Variants in KCNJ6 observed in about 807,000 individuals in gnomAD.
KCNJ6 encodes the protein G protein-activated inward rectifier potassium channel 2.
In KCNJ6, 9 loss-of-function variants were observed where a neutral mutation model predicts 34.2. The observed-to-expected ratio is 0.26, with a 90% CI of 0.16 to 0.46. The LOEUF (loss-of-function observed/expected upper bound fraction) is 0.46. Among genes scored for constraint, KCNJ6 ranks in the 20% least tolerant of loss-of-function variants. The probability of loss-of-function intolerance (pLI) is 1.00; values close to 1 mark genes in which losing one functional copy is unlikely to be tolerated. For missense variants in KCNJ6, 236 were observed against 531.3 expected, an observed-to-expected ratio of 0.44 and a Z score of 5.46; for synonymous variants, 196 against 207.1, an observed-to-expected ratio of 0.95 and a Z score of 0.46.
intron 1 of KCNJ6, among the ~76,000 whole-genome samples, chr21:37,882,652 C>G (rs548815315): frequency 6.6e-6 from 1 of 152,332 alleles, no homozygotes; most frequent in East Asian, 1.9e-4. Flanking sequence ...TGAGAATGGA[C>G]AAGCTCCAAC....
intron 3 of KCNJ6, among the ~76,000 whole-genome samples, chr21:37,662,392 T>C (rs115409277): frequency 9.2e-5 from 14 of 152,340 alleles, no homozygotes; most frequent in Admixed American, 9.2e-4. Flanking sequence ...CTAAGGATAA[T>C]GGCTTCCATT....
At chr21:37,648,620 T>G (rs2054416506) in intron 3 of KCNJ6, among the ~76,000 whole-genome samples, 1 of 152,162 alleles carries the variant, frequency 6.6e-6, no homozygotes, top group Non-Finnish European at 1.5e-5. Context: ...TGCCAATAGG[T>G]GCAAGTTTAA....
intron 1 of KCNJ6, among the ~76,000 whole-genome samples, chr21:37,891,633 G>C (rs1353889822): frequency 1.4e-5 from 2 of 143,778 alleles, no homozygotes; most frequent in Admixed American, 1.4e-4. Context: ...ACATTTCCAG[G>C]CTTTCTTAGA....
intron 1 of KCNJ6, among the ~76,000 whole-genome samples, chr21:37,910,047 T>C (rs1312633003): frequency 6.6e-6 from 1 of 152,204 alleles, no homozygotes; most frequent in Non-Finnish European, 1.5e-5. Context: ...GGAGTCTCCT[T>C]TTCCTCTGAT....
intron 1 of KCNJ6, among the ~76,000 whole-genome samples, chr21:37,876,317 G>GT (rs1668179781): frequency 6.6e-6 from 1 of 152,176 alleles, no homozygotes. Context: ...CAGGGGTTAA[G>GT]TAACTTGCCA....
chr21:37,641,693 G>T (rs1440119170), intron 3 of KCNJ6, among the ~76,000 whole-genome samples: 1 of 80,208 alleles, frequency 1.2e-5, no homozygotes, highest in Non-Finnish European at 2.4e-5. Context: ...AAGTAGACGA[G>T]TGTGTTTGGG....
chr21:37,863,177 C>T (rs929976697), intron 1 of KCNJ6, among the ~76,000 whole-genome samples: 1 of 152,164 alleles, frequency 6.6e-6, no homozygotes, highest in African/African-American at 2.4e-5. Flanking sequence ...ATTTTAGGCA[C>T]AGTAATTCCT....
Position 37,793,480 on chromosome 21 carries a change from G to C in KCNJ6, c.25+47178C>G, listed in dbSNP as rs115677041. Among the ~76,000 whole-genome samples, 1,219 of 143,462 alleles carry C rather than the reference G, an allele frequency of 8.5e-3. 18 individuals are homozygous for C. Among genetic ancestry groups the C allele is most frequent in the African/African-American group, 0.03 (1,157 of 38,550 alleles). 94.1% of individuals were successfully genotyped at this position (143,462 alleles called of 152,430 possible). A position where few individuals can be genotyped will look rare whatever the true frequency, so the allele number is the denominator to read the frequency against. The stretch of plus-strand genomic sequence containing the variant: ...ATCAAAAGGCGTGGTTAAAGAGTGA[G>C]AGCTATTGTGAACCAAGATAGCGCC... On this transcript the variant is annotated intron_variant, in intron 2 of 3. Transcript: ENST00000609713.
intron 3 of KCNJ6, among the ~76,000 whole-genome samples, chr21:37,665,892 T>G (rs540067340): frequency 6.6e-6 from 1 of 152,156 alleles, no homozygotes; most frequent in South Asian, 2.1e-4. Context: ...CAGGGAGTTG[T>G]CATAAGGCTT....
intron 2 of KCNJ6, among the ~76,000 whole-genome samples, chr21:37,803,848 C>A (rs894825049): frequency 5.3e-5 from 8 of 152,102 alleles, no homozygotes; most frequent in African/African-American, 1.9e-4. Flanking sequence ...GTGTCCTCAC[C>A]ATCTCACTCC....
intron 3 of KCNJ6, among the ~76,000 whole-genome samples, chr21:37,681,812 C>T (rs181003331): frequency 6.6e-6 from 1 of 152,200 alleles, no homozygotes; most frequent in African/African-American, 2.4e-5. Flanking sequence ...ACCCAAATCA[C>T]ATTTTCTAGA....
chr21:37,655,205 GT>G (rs1372004170), intron 3 of KCNJ6, among the ~76,000 whole-genome samples: 12 of 77,712 alleles, frequency 1.5e-4, no homozygotes, highest in Admixed American at 6.7e-4. Context: ...GTGTGTGTGT[GT>G]GTGTGTGTGT....
chr21:37,838,622 A>G (rs2055463774), intron 2 of KCNJ6, among the ~76,000 whole-genome samples: 1 of 152,226 alleles, frequency 6.6e-6, no homozygotes, highest in South Asian at 2.1e-4. Context: ...GAATTAGTTG[A>G]TAAGGCCCAC....
rs1353500383 is a variant in KCNJ6, at chr21:37,611,136, A to G, written c.*14023T>C. ...AAAGAACACAAATTACTACTATCAG[A>G]AATGAGAGCGGGGACGTTACTAGCA... On this transcript the variant is annotated 3_prime_UTR_variant, in exon 4 of 4. Transcript: ENST00000609713. 2 of 152,224 alleles carry G rather than the reference A, an allele frequency of 1.3e-5. No individual in the cohort carries two copies. Among genetic ancestry groups the G allele is most frequent in the African/African-American group, 4.8e-5 (2 of 41,452 alleles). 9.4% of individuals were successfully genotyped at this position (152,224 alleles called of 1,614,324 possible).
Position 37,607,484 on chromosome 21 carries a change from T to TATATATATATATATATA in KCNJ6, c.*17674_*17675insTATATATATATATATAT, listed in dbSNP as rs35281433. ...TAAAGATATATATATATATATATAT[T>TATATATATATATATATA]TTTTTTTTATTTTAAAAAAATTTGG... On this transcript the variant is annotated 3_prime_UTR_variant, in exon 4 of 4. Coordinates refer to ENST00000609713, the MANE Select transcript of KCNJ6 (RefSeq NM_002240.5). 185 of 62,148 alleles carry TATATATATATATATATA rather than the reference T, an allele frequency of 3.0e-3. No individual in the cohort carries two copies. Among genetic ancestry groups the TATATATATATATATATA allele is most frequent in the East Asian group, 0.013 (20 of 1,548 alleles). 3.8% of individuals were successfully genotyped at this position (62,148 alleles called of 1,614,324 possible).
In KCNJ6 at chr21:37,675,086, C is replaced by T. The variant is rs2054558674; in HGVS notation, c.946+39125G>A. Among the ~76,000 whole-genome samples, 1 of 152,154 alleles carries T rather than the reference C, an allele frequency of 6.6e-6. No homozygotes were observed. Among genetic ancestry groups the T allele is most frequent in the African/African-American group, 2.4e-5 (1 of 41,444 alleles). On this transcript the variant is annotated intron_variant, in intron 3 of 3. Coordinates refer to ENST00000609713, the MANE Select transcript of KCNJ6 (RefSeq NM_002240.5). This position sits in a 1 kb window ranked among gnomAD's most constrained non-coding sequence, Gnocchi z 4.2. ...GCTGCTCCGGGTTTGACTCAATCGA[C>T]ACCCTTCGCACCACTTTCTAAGTGT...
chr21:37,858,535 A>G (rs939685618), intron 1 of KCNJ6, among the ~76,000 whole-genome samples: 2 of 152,180 alleles, frequency 1.3e-5, no homozygotes, highest in African/African-American at 4.8e-5. Context: ...CTTCAGAGAA[A>G]AAAGAAATAA....
intron 2 of KCNJ6, among the ~76,000 whole-genome samples, chr21:37,832,528 T>C (rs896428374): frequency 1.3e-5 from 2 of 152,150 alleles, no homozygotes; most frequent in African/African-American, 4.8e-5. Context: ...TGACACCTGC[T>C]TTCCTGGCTC....
intron 3 of KCNJ6, among the ~76,000 whole-genome samples, chr21:37,698,253 T>G (rs1311996381): frequency 6.6e-6 from 1 of 152,204 alleles, no homozygotes; most frequent in Non-Finnish European, 1.5e-5. Flanking sequence ...ATGCAAATGA[T>G]CTCATCTCCT....
Sources: gnomAD v4.1 joint callset for allele counts (sites outside exome capture counted in the v4.1 genomes callset) on GRCh38, gnomAD v4.1.1 for gene constraint, Gnocchi (gnomAD v3.1) non-coding constraint, MANE v1.5 for transcripts, NCBI Gene and HGNC (gene_info 2026-07-23, HGNC 2026-07-21) for gene names.